ELOVL6: variants seen among roughly 807,000 people sequenced by gnomAD.
The protein encoded by ELOVL6 is ELOVL fatty acid elongase 6, also known as very long chain fatty acid elongase 6.
In ELOVL6, 8 loss-of-function variants were observed where a neutral mutation model predicts 31.7. The ratio of observed to expected loss-of-function variants is 0.25; its 90% CI spans 0.15 to 0.45. The LOEUF is 0.45. ELOVL6 is among the 20% of genes least tolerant of loss of function. The pLI is 1.00. For missense variants in ELOVL6, 126 were observed against 326.4 expected, an observed-to-expected ratio of 0.39 and a Z score of 4.73; for synonymous variants, 101 against 117.7, an observed-to-expected ratio of 0.86 and a Z score of 0.92.
At chr4:110,083,075 T>C (rs923590874) in intron 2 of ELOVL6, among the ~76,000 whole-genome samples, 2 of 150,470 alleles carry the variant, frequency 1.3e-5, no homozygotes, top group African/African-American at 4.9e-5. Flanking sequence ...TTTATTCACT[T>C]AAAAAAAAAG....
At chr4:110,195,313 T>C (rs553712978) in intron 1 of ELOVL6, among the ~76,000 whole-genome samples, 173 of 151,672 alleles carry the variant, frequency 1.1e-3, no homozygotes, top group African/African-American at 4.0e-3. Flanking sequence ...AGAGATGGGG[T>C]TTCACCATAT....
intron 1 of ELOVL6, among the ~76,000 whole-genome samples, chr4:110,142,140 G>A (rs567905002): frequency 3.5e-4 from 49 of 140,368 alleles, no homozygotes; most frequent in Admixed American, 5.3e-4. Flanking sequence ...GTGTGATCTC[G>A]GCTCACTGCA....
Position 110,049,872 on chromosome 4 carries a change from GAGA to G in ELOVL6, c.*1463_*1465del, listed in dbSNP as rs1754792653. Reference sequence around the variant, plus strand: ...GCTTGTAAAGGACTGAAATATTACAGAGAATATTATCCAGCTTTTTTTTTTTAA... The same window carrying G: ...GCTTGTAAAGGACTGAAATATTACAGATATTATCCAGCTTTTTTTTTTTAA... On this transcript the variant is annotated 3_prime_UTR_variant, in exon 4 of 4. Transcript: ENST00000302274. 6.6e-6 allele frequency: 1 copy of G among 150,968 alleles called. No individual in the cohort carries two copies. Among genetic ancestry groups the G allele is most frequent in the African/African-American group, 2.5e-5 (1 of 40,668 alleles). The allele number at this position is 150,968 out of a possible 1,614,324, so 9.4% of individuals were successfully genotyped here.
intron 2 of ELOVL6, among the ~76,000 whole-genome samples, chr4:110,085,087 C>T (rs1398117603): frequency 6.6e-6 from 1 of 152,028 alleles, no homozygotes; most frequent in Non-Finnish European, 1.5e-5. Context: ...TCCTTTCAGA[C>T]CATGTTGAGT....
intron 2 of ELOVL6, among the ~76,000 whole-genome samples, chr4:110,067,051 T>C (rs931044042): frequency 2.6e-5 from 4 of 152,242 alleles, no homozygotes; most frequent in Non-Finnish European, 5.9e-5. Flanking sequence ...GCTAAAAATG[T>C]ATTTTTCAAT....
chr4:110,072,431 G>A (rs1037252964), intron 2 of ELOVL6, among the ~76,000 whole-genome samples: 2 of 152,152 alleles, frequency 1.3e-5, no homozygotes, highest in South Asian at 2.1e-4. Flanking sequence ...AGCCAAGATC[G>A]CACCAATGTA....
At chr4:110,141,855 G>GTATATAAATATA (rs1757970801) in intron 1 of ELOVL6, among the ~76,000 whole-genome samples, 1 of 126,626 alleles carries the variant, frequency 7.9e-6, no homozygotes, top group Admixed American at 8.4e-5. Context: ...AATACAATTA[G>GTATATAAATATA]TATATATATA....
chr4:110,198,244 T>C lies in ELOVL6; in HGVS notation c.89+3A>G, dbSNP rs1759878851. 1 of 1,570,352 alleles carries C rather than the reference T, an allele frequency of 6.4e-7. No individual in the cohort carries two copies. The highest frequency in any genetic ancestry group is 2.2e-5 in the East Asian group (1 of 44,618). ...AACAGTATCAGGCGAAAGCATCACG[T>C]ACCAGTTTTCCTGCATCCATTGGAT... On this transcript the variant is annotated splice_donor_region_variant and intron_variant, in intron 1 of 3. Transcript: ENST00000302274.
intron 2 of ELOVL6, among the ~76,000 whole-genome samples, chr4:110,096,522 C>T (rs1756584581): frequency 6.6e-6 from 1 of 152,108 alleles, no homozygotes; most frequent in East Asian, 1.9e-4. Flanking sequence ...ACTCATGATG[C>T]TCCTGGCATG....
intron 1 of ELOVL6, among the ~76,000 whole-genome samples, chr4:110,170,025 G>C (rs557222775): frequency 1.3e-5 from 2 of 151,134 alleles, no homozygotes; most frequent in Admixed American, 6.6e-5. Context: ...ATGTTGGCCA[G>C]ACTGGCCTCG....
chr4:110,108,043 T>G (rs1756932907), intron 1 of ELOVL6, among the ~76,000 whole-genome samples: 2 of 152,174 alleles, frequency 1.3e-5, no homozygotes, highest in African/African-American at 4.8e-5. Flanking sequence ...TCCTGTTGAA[T>G]TACATAATCA....
intron 2 of ELOVL6, among the ~76,000 whole-genome samples, chr4:110,068,047 C>T (rs192346404): frequency 4.8e-4 from 73 of 151,920 alleles, no homozygotes; most frequent in Admixed American, 1.2e-3. Context: ...AGTGGGGAAT[C>T]AGACAATCAA....
intron 1 of ELOVL6, among the ~76,000 whole-genome samples, chr4:110,159,997 TACG>T (rs1260423424): frequency 6.6e-6 from 1 of 152,192 alleles, no homozygotes; most frequent in Non-Finnish European, 1.5e-5. Context: ...TATGGATTGG[TACG>T]ACCTCTTTTA....
At chr4:110,193,240 T>C (rs565333831) in intron 1 of ELOVL6, among the ~76,000 whole-genome samples, 22 of 152,358 alleles carry the variant, frequency 1.4e-4, no homozygotes, top group African/African-American at 4.8e-4. Context: ...TGTTCTTTAA[T>C]CATGAAATTG....
At chr4:110,106,130 G>A (rs1242907876) in intron 1 of ELOVL6, among the ~76,000 whole-genome samples, 1 of 152,174 alleles carries the variant, frequency 6.6e-6, no homozygotes, top group African/African-American at 2.4e-5. Flanking sequence ...GCAGAGGTGG[G>A]TGGATCACTT....
intron 1 of ELOVL6, among the ~76,000 whole-genome samples, chr4:110,183,451 C>G (rs1290270461): frequency 2.6e-5 from 4 of 152,168 alleles, no homozygotes; most frequent in African/African-American, 9.7e-5. Flanking sequence ...TATAAACCAG[C>G]CACCTTGTGC....
rs1020931746 is a variant in ELOVL6, at chr4:110,077,347, A to C, written c.222-17593T>G. On this transcript the variant is annotated intron_variant, in intron 2 of 3. Coordinates refer to ENST00000302274, the MANE Select transcript of ELOVL6 (RefSeq NM_024090.3). ...AACTAGGAGGCACCCCCCAGTAGGG[A>C]CAGACTGACACCTCACACAGCCGGG... 5.3e-5 allele frequency among the ~76,000 whole-genome samples: 8 copies of C among 152,130 alleles called. No individual in the cohort carries two copies. In the East Asian group the frequency reaches 1.5e-3, roughly 29 times the overall value.
chr4:110,186,115 G>A (rs139379583), intron 1 of ELOVL6, among the ~76,000 whole-genome samples: 4 of 152,176 alleles, frequency 2.6e-5, no homozygotes, highest in Admixed American at 6.6e-5. Flanking sequence ...GCTTGAACCC[G>A]GGAAGCGGAG....
intron 1 of ELOVL6, among the ~76,000 whole-genome samples, chr4:110,171,190 C>T (rs761599598): frequency 4.6e-5 from 7 of 152,060 alleles, no homozygotes; most frequent in Non-Finnish European, 8.8e-5. Flanking sequence ...GGCAGATCAC[C>T]GGAGGTCAGT....
Sources: allele counts gnomAD v4.1 joint callset (sites outside exome capture counted in the v4.1 genomes callset), GRCh38; gene constraint gnomAD v4.1.1; transcripts MANE v1.5; gene names NCBI Gene and HGNC (gene_info 2026-07-23, HGNC 2026-07-21).